The following ITPR2 variants were observed in gnomAD, a reference collection of about 807,000 sequenced individuals.
ITPR2 encodes inositol 1,4,5-trisphosphate-gated calcium channel ITPR2.
In ITPR2, 207 loss-of-function variants were observed where a neutral mutation model predicts 317.1. The observed-to-expected ratio is 0.65, with a 90% CI of 0.58 to 0.73. The LOEUF (loss-of-function observed/expected upper bound fraction) is 0.73. ITPR2 is among the 30% of genes least tolerant of loss of function. The pLI, the probability that ITPR2 is intolerant of heterozygous loss-of-function variation, is 0.00. For missense variants in ITPR2, 2,613 were observed against 3,284.0 expected, an observed-to-expected ratio of 0.80 and a Z score of 4.99; for synonymous variants, 1,156 against 1,149.1, an observed-to-expected ratio of 1.01 and a Z score of -0.12.
rs1047267647 is a variant in ITPR2, at chr12:26,716,350, G to A, written c.526-108C>T. 10 of 651,044 alleles carry A rather than the reference G, an allele frequency of 1.5e-5. No homozygotes were observed. In the African/African-American group the frequency reaches 1.8e-4, roughly 12 times the overall value. The allele number at this position is 651,044 out of a possible 1,614,324, so 40.3% of individuals were successfully genotyped here. A position where few individuals can be genotyped will look rare whatever the true frequency, so the allele number is the denominator to read the frequency against. ...GTCCCCATTATTGATCTGACATCTGGTCCTTTTATCCTTCACACAAATTTT... is the reference window on the plus strand; with the variant it reads ...GTCCCCATTATTGATCTGACATCTGATCCTTTTATCCTTCACACAAATTTT... On this transcript the variant is annotated intron_variant, in intron 5 of 56. Transcript: ENST00000381340.
intron 22 of ITPR2, among the ~76,000 whole-genome samples, chr12:26,629,071 A>G (rs1282531373): frequency 6.6e-6 from 1 of 152,150 alleles, no homozygotes; most frequent in Non-Finnish European, 1.5e-5. Context: ...CAATGTGGTC[A>G]CCCAAGTTTT....
intron 26 of ITPR2, among the ~76,000 whole-genome samples, chr12:26,615,411 AAAG>A (rs1289914620): frequency 2.0e-5 from 3 of 152,212 alleles, no homozygotes; most frequent in Non-Finnish European, 2.9e-5. Context: ...AGAAAACTGC[AAAG>A]AAGACAGACT....
intron 8 of ITPR2, 125 bp from the exon 9 acceptor site, chr12:26,711,393 G>T: frequency 1.5e-6 from 1 of 679,760 alleles, no homozygotes. Context: ...ATGTTTCCAT[G>T]AGAGCATAAT....
intron 1 of ITPR2, among the ~76,000 whole-genome samples, chr12:26,812,363 G>A: frequency 6.6e-6 from 1 of 151,998 alleles, no homozygotes; most frequent in East Asian, 1.9e-4. Context: ...CAGATCACGA[G>A]GACAAGAGAT....
At chr12:26,589,853 T>TATAC (rs780511857) in intron 32 of ITPR2, among the ~76,000 whole-genome samples, 3,105 of 57,448 alleles carry the variant, frequency 0.054, 413 homozygotes, top group East Asian at 0.29. Context: ...TATATATATA[T>TATAC]ACACACACAC....
At chr12:26,359,596 T>C (rs1275360339) in intron 55 of ITPR2, among the ~76,000 whole-genome samples, 1 of 135,614 alleles carries the variant, frequency 7.4e-6, no homozygotes, top group East Asian at 3.0e-4. Context: ...GCTTTTCTCT[T>C]GTGGGGAAAA....
chr12:26,482,052 T>A (rs2136837016), intron 42 of ITPR2, among the ~76,000 whole-genome samples: 1 of 152,294 alleles, frequency 6.6e-6, no homozygotes, highest in African/African-American at 2.4e-5. Context: ...AAAACTGAAA[T>A]CCTGGTGAGT....
At chr12:26,760,761 T>G (rs1006453683) in intron 2 of ITPR2, among the ~76,000 whole-genome samples, 2 of 152,206 alleles carry the variant, frequency 1.3e-5, no homozygotes, top group African/African-American at 4.8e-5. Flanking sequence ...GATAGTTTCC[T>G]ATTAATAGTG....
chr12:26,572,593 G>C (rs1945189430), intron 34 of ITPR2, among the ~76,000 whole-genome samples: 1 of 152,160 alleles, frequency 6.6e-6, no homozygotes, highest in African/African-American at 2.4e-5. Flanking sequence ...CTAAATTTTC[G>C]TGGGGTTGGA....
intron 55 of ITPR2, among the ~76,000 whole-genome samples, chr12:26,372,902 G>A (rs1274859936): frequency 2.0e-5 from 3 of 152,072 alleles, no homozygotes; most frequent in Non-Finnish European, 2.9e-5. Context: ...ACTGCCCCCC[G>A]ACCCCAGCCA....
intron 2 of ITPR2, among the ~76,000 whole-genome samples, chr12:26,730,934 C>T (rs1949017179): frequency 6.6e-6 from 1 of 152,170 alleles, no homozygotes; most frequent in Non-Finnish European, 1.5e-5. Context: ...CAGTCTAAAC[C>T]TCCACTTACA....
intron 37 of ITPR2, among the ~76,000 whole-genome samples, chr12:26,516,260 A>AAG (rs1943495612): frequency 5.5e-5 from 3 of 54,286 alleles, no homozygotes; most frequent in Non-Finnish European, 7.4e-5. Flanking sequence ...AGGAAAGGAA[A>AAG]GGAAAGGAAA....
chr12:26,474,604 T>C (rs368143761), intron 45 of ITPR2, among the ~76,000 whole-genome samples: 11 of 151,542 alleles, frequency 7.3e-5, no homozygotes, highest in African/African-American at 2.7e-4. Flanking sequence ...CCATCCCGGC[T>C]AAAGCGGTGA....
chr12:26,780,573 G>A (rs1950059400), intron 2 of ITPR2, among the ~76,000 whole-genome samples: 1 of 152,178 alleles, frequency 6.6e-6, no homozygotes, highest in South Asian at 2.1e-4. Flanking sequence ...ACAGAACAGT[G>A]GAATGGCCTT....
chr12:26,352,485 T>C (rs970702962), intron 55 of ITPR2, among the ~76,000 whole-genome samples: 1 of 152,228 alleles, frequency 6.6e-6, no homozygotes, highest in African/African-American at 2.4e-5. Flanking sequence ...ACAAATTCAT[T>C]CTCTCCCTAA....
At chr12:26,503,378 T>C (rs544310248) in intron 37 of ITPR2, among the ~76,000 whole-genome samples, 1 of 152,332 alleles carries the variant, frequency 6.6e-6, no homozygotes, top group Admixed American at 6.5e-5. Flanking sequence ...AAATTCAGAA[T>C]ACATTTAGAA....
intron 37 of ITPR2, among the ~76,000 whole-genome samples, chr12:26,528,741 T>C (rs1015841549): frequency 1.6e-4 from 25 of 152,208 alleles, no homozygotes; most frequent in African/African-American, 6.0e-4. Context: ...TGGTATTTGT[T>C]TGAGGACACC....
chr12:26,472,261 TG>T (rs1254104109), intron 45 of ITPR2, among the ~76,000 whole-genome samples: 2 of 152,326 alleles, frequency 1.3e-5, no homozygotes, highest in Admixed American at 6.5e-5. Context: ...ATGCCCTCTT[TG>T]GGTTCTAAGA....
At chr12:26,745,545 T>C (rs1320984606) in intron 2 of ITPR2, among the ~76,000 whole-genome samples, 1 of 152,212 alleles carries the variant, frequency 6.6e-6, no homozygotes, top group East Asian at 1.9e-4. Flanking sequence ...ACGCTTGAAC[T>C]CCTTCCTTAG....
Sources: allele counts gnomAD v4.1 joint callset (sites outside exome capture counted in the v4.1 genomes callset), GRCh38; gene constraint gnomAD v4.1.1; transcripts MANE v1.5; gene names NCBI Gene and HGNC (gene_info 2026-07-23, HGNC 2026-07-21).